Variants in RNPS1 observed in about 807,000 individuals in gnomAD.
RNPS1 encodes the protein RNA-binding protein with serine-rich domain 1.
For synonymous variants in RNPS1, 147 were observed against 150.0 expected, an observed-to-expected ratio of 0.98 and a Z score of 0.15; for missense variants, 300 against 427.6, an observed-to-expected ratio of 0.70 and a Z score of 2.63.
intron 4 of RNPS1, 72 bp from the exon 5 acceptor site, chr16:2,262,914 C>T: frequency 1.5e-6 from 2 of 1,378,584 alleles, no homozygotes; most frequent in Non-Finnish European, 2.0e-6. Context: ...TTCGAGTAAG[C>T]TCTTATCTGC....
Position 2,253,677 on chromosome 16 carries a change from A to G in RNPS1, c.*287T>C, listed in dbSNP as rs969567699. ...TAAGCAGGGTCAAACCACCCCCAAG[A>G]GCCTCACTTTTCCCTGGTGGCTCTG... is the stretch of plus-strand genomic sequence containing the variant. On this transcript the variant is annotated 3_prime_UTR_variant, in exon 8 of 8. Transcript: ENST00000320225. The G allele has an allele frequency of 5.4e-6, 3 of 552,356 alleles. No homozygotes were observed. The highest frequency in any genetic ancestry group is 9.8e-6 in the Non-Finnish European group (3 of 307,598). 34.2% of individuals were successfully genotyped at this position (552,356 alleles called of 1,614,324 possible). A position where few individuals can be genotyped will look rare whatever the true frequency, so the allele number is the denominator to read the frequency against.
rs866600135 is a variant in RNPS1, at chr16:2,253,740, C to G, written c.*224G>C. The G allele has an allele frequency of 1.5e-6, 1 of 657,010 alleles. No homozygotes were observed. Among genetic ancestry groups the G allele is most frequent in the Non-Finnish European group, 2.8e-6 (1 of 362,628 alleles). 40.7% of individuals were successfully genotyped at this position (657,010 alleles called of 1,614,324 possible). ...CTCTTAGAAACCGGAAACGGATGAG[C>G]TTTCTAGCCAGAAAACCGGAGGGAA... On this transcript the variant is annotated 3_prime_UTR_variant, in exon 8 of 8. Coordinates refer to ENST00000320225, the MANE Select transcript of RNPS1 (RefSeq NM_080594.4).
intron 6 of RNPS1, chr16:2,257,898 AGGCCT>A (rs1416953547): frequency 6.6e-6 from 1 of 152,238 alleles, no homozygotes; most frequent in African/African-American, 2.4e-5. Context: ...ACTCCCCACC[AGGCCT>A]GGCAGCCCAG....
chr16:2,266,053 T>C (rs2093623856), intron 1 of RNPS1: 1 of 930,656 alleles, frequency 1.1e-6, no homozygotes, highest in Non-Finnish European at 1.3e-6. Context: ...CTGCACAAGC[T>C]GCAGGAGTTG....
intron 4 of RNPS1, 89 bp from the exon 5 acceptor site, chr16:2,262,931 GAC>G: frequency 7.5e-7 from 1 of 1,332,364 alleles, no homozygotes. Flanking sequence ...CTGCTTGTGT[GAC>G]AGTTTTCATA....
intron 7 of RNPS1, among the ~76,000 whole-genome samples, chr16:2,254,740 CTTT>C (rs11315814): frequency 9.7e-5 from 10 of 103,592 alleles, no homozygotes; most frequent in Admixed American, 1.1e-4. Context: ...AAAGTTTTAC[CTTT>C]TTTTTTTTTT....
chr16:2,264,343 G>A lies in RNPS1; in HGVS notation c.72-12C>T. ...TAGGTGAAGGAGCCCTGGATGGTGA[G>A]GAAGAGTGTGAGATTGCGTGCTCCT... On this transcript the variant is annotated splice_polypyrimidine_tract_variant and intron_variant, in intron 2 of 7. Coordinates refer to ENST00000320225, the MANE Select transcript of RNPS1 (RefSeq NM_080594.4). The A allele has an allele frequency of 6.2e-7, 1 of 1,614,128 alleles. No individual in the cohort carries two copies. The highest frequency in any genetic ancestry group is 8.5e-7 in the Non-Finnish European group (1 of 1,180,028).
chr16:2,261,550 A>T (rs1435774361), intron 6 of RNPS1, among the ~76,000 whole-genome samples: 3 of 152,202 alleles, frequency 2.0e-5, no homozygotes, highest in African/African-American at 7.2e-5. Flanking sequence ...GACAGTGGGG[A>T]TTGTGGCAGG....
intron 5 of RNPS1, 127 bp downstream of exon 5, chr16:2,262,613 T>A: frequency 1.0e-6 from 1 of 979,324 alleles, no homozygotes; most frequent in South Asian, 1.5e-5. Flanking sequence ...GAGGAACGAA[T>A]CAATGCTGTA....
chr16:2,254,655 C>A, intron 7 of RNPS1, among the ~76,000 whole-genome samples: 1 of 150,392 alleles, frequency 6.6e-6, no homozygotes, highest in African/African-American at 2.4e-5. Flanking sequence ...ATGGTCTCGA[C>A]CTCCTGACCT....
intron 1 of RNPS1, 188 bp from the exon 2 acceptor site, chr16:2,264,948 G>A: frequency 3.1e-6 from 1 of 322,834 alleles, no homozygotes; most frequent in Admixed American, 4.5e-5. Context: ...CCGCAGAGGA[G>A]GCACAGGTAC....
In RNPS1 at chr16:2,253,947, G is replaced by A. The variant is rs2093564077; in HGVS notation, c.*17C>T. 1 of 1,551,646 alleles carries A rather than the reference G, an allele frequency of 6.4e-7. No individual in the cohort carries two copies. The highest frequency in any genetic ancestry group is 2.4e-5 in the East Asian group (1 of 41,060). On this transcript the variant is annotated 3_prime_UTR_variant, in exon 8 of 8. Coordinates refer to ENST00000320225, the MANE Select transcript of RNPS1 (RefSeq NM_080594.4). ...GGTGGGGTATAAGTTACAGGGGCGA[G>A]AGCTTCAGTGGCCTGTTTATCGGGA...
chr16:2,253,877 T>G lies in RNPS1; in HGVS notation c.*87A>C. ...TCCTGCCAGAGTCAAGGGTTTGCTT[T>G]CCTACTGGTCTTCCTTTGGCTAGAA... On this transcript the variant is annotated 3_prime_UTR_variant, in exon 8 of 8. Transcript: ENST00000320225. The G allele has an allele frequency of 8.2e-7, 1 of 1,218,260 alleles. No homozygotes were observed. Among genetic ancestry groups the G allele is most frequent in the South Asian group, 1.3e-5 (1 of 77,682 alleles). 75.5% of individuals were successfully genotyped at this position (1,218,260 alleles called of 1,614,324 possible).
Position 2,264,248 on chromosome 16 carries a change from G to A in RNPS1, c.155C>T (p.Ser52Leu), listed in dbSNP as rs777754533. ...GTCCCGGCCGCGATCCTTCTCACTC[G>A]ACTCCTTGGTGGCCCCTTTATCTTT... The part of the protein sequence containing the change: ...RSKDKGATKE[S>L]SEKDRGRDKT... Residue 52 changes from serine (S) to leucine (L), a missense_variant, in exon 3 of 8, where the codon TCG becomes TTG. Ser to Leu is a moderately radical substitution (Grantham distance 145). Coordinates refer to ENST00000320225, the MANE Select transcript of RNPS1 (RefSeq NM_080594.4). 8.1e-6 allele frequency: 13 copies of A among 1,613,974 alleles called. No homozygotes were observed. Among genetic ancestry groups the A allele is most frequent in the Non-Finnish European group, 1.0e-5 (12 of 1,180,038 alleles).
At chr16:2,254,458 T>TA (rs1182521269) in intron 7 of RNPS1, among the ~76,000 whole-genome samples, 3 of 151,962 alleles carry the variant, frequency 2.0e-5, no homozygotes, top group Non-Finnish European at 4.4e-5. Flanking sequence ...CACGCACAGC[T>TA]AATTTTGTTT....
At chr16:2,263,727 C>T (rs1474321638) in intron 3 of RNPS1, among the ~76,000 whole-genome samples, 2 of 152,114 alleles carry the variant, frequency 1.3e-5, no homozygotes, top group Non-Finnish European at 1.5e-5. Context: ...ATCCTCCTGA[C>T]TCAGCCTCCC....
intron 1 of RNPS1, 86 bp downstream of exon 1, chr16:2,267,969 G>A: frequency 6.5e-7 from 1 of 1,533,328 alleles, no homozygotes; most frequent in Non-Finnish European, 8.7e-7. Context: ...CGGGGCTGAG[G>A]AGTGGACCGG....
chr16:2,267,262 AATT>A (rs1217655325), intron 1 of RNPS1: 1 of 985,232 alleles, frequency 1.0e-6, no homozygotes, highest in Admixed American at 6.1e-5. Context: ...AGGAGAGAAC[AATT>A]AGTTAAATCT....
chr16:2,256,749 C>A (rs959782370), intron 6 of RNPS1: 1 of 152,270 alleles, frequency 6.6e-6, no homozygotes, highest in Non-Finnish European at 1.5e-5. Flanking sequence ...GCAGTATCCG[C>A]GTTTGCGCTT....
Sources: gnomAD v4.1 joint callset for allele counts (sites outside exome capture counted in the v4.1 genomes callset) on GRCh38, gnomAD v4.1.1 for gene constraint, MANE v1.5 for transcripts, NCBI Gene and HGNC (gene_info 2026-07-23, HGNC 2026-07-21) for gene names.